GRAMD1C: variants seen among roughly 807,000 people sequenced by gnomAD.
The protein encoded by GRAMD1C is protein Aster-C.
GRAMD1C carries 89 observed loss-of-function variants against 97.8 expected under a neutral mutation model. The ratio of observed to expected loss-of-function variants is 0.91; its 90% CI spans 0.77 to 1.09. GRAMD1C has a LOEUF of 1.09. GRAMD1C is among the 50% of genes least tolerant of loss of function. GRAMD1C has a pLI of 0.00. For missense variants in GRAMD1C, 740 were observed against 766.4 expected (o/e 0.97, Z 0.41); for synonymous variants, 256 against 267.0 (o/e 0.96, Z 0.40).
intron 13 of GRAMD1C, among the ~76,000 whole-genome samples, chr3:113,934,805 G>A (rs1937546178): frequency 6.6e-6 from 1 of 152,060 alleles, no homozygotes; most frequent in South Asian, 2.1e-4. Flanking sequence ...GTGCAGTGGT[G>A]CGATCTTGGC....
intron 3 of GRAMD1C, among the ~76,000 whole-genome samples, chr3:113,872,292 T>C (rs534895711): frequency 6.6e-6 from 1 of 152,118 alleles, no homozygotes; most frequent in South Asian, 2.1e-4. Context: ...AGAAAAAAAC[T>C]TAAATGGGAA....
In GRAMD1C at chr3:113,917,577, C is replaced by T. The variant is rs181256161; in HGVS notation, c.1090+1739C>T. On this transcript the variant is annotated intron_variant, in intron 10 of 17. Transcript: ENST00000358160. The stretch of plus-strand genomic sequence containing the variant: ...GCTCAAGCAATCTAACCCCCTCAGC[C>T]TCCCAAAGTACTAGGATTACAAGAA... Among the ~76,000 whole-genome samples, 4 of 152,264 alleles carry T rather than the reference C, an allele frequency of 2.6e-5. No individual in the cohort carries two copies. In the East Asian group the frequency reaches 5.8e-4, roughly 22 times the overall value.
At chr3:113,846,120 T>G (rs2107320679) in intron 2 of GRAMD1C, among the ~76,000 whole-genome samples, 1 of 151,848 alleles carries the variant, frequency 6.6e-6, no homozygotes, top group East Asian at 1.9e-4. Flanking sequence ...ATTTTTTTTT[T>G]TTTGAGGCAG....
chr3:113,900,088 A>T (rs1387583275), intron 6 of GRAMD1C, among the ~76,000 whole-genome samples: 1 of 152,088 alleles, frequency 6.6e-6, no homozygotes, highest in African/African-American at 2.4e-5. Context: ...GCTAGGCACC[A>T]TGTCTCACGC....
intron 6 of GRAMD1C, among the ~76,000 whole-genome samples, chr3:113,883,755 A>C (rs1935348617): frequency 6.6e-6 from 1 of 152,136 alleles, no homozygotes; most frequent in Non-Finnish European, 1.5e-5. Context: ...ATTCATCTGG[A>C]ATTCATAACA....
intron 3 of GRAMD1C, among the ~76,000 whole-genome samples, chr3:113,873,212 A>C (rs1934902692): frequency 6.6e-6 from 1 of 152,014 alleles, no homozygotes; most frequent in South Asian, 2.1e-4. Flanking sequence ...GTGAGTTGAG[A>C]TCGCACCATT....
In GRAMD1C at chr3:113,920,029, G is replaced by A. The variant is rs1391709146; in HGVS notation, c.1090+4191G>A. 1.2e-5 allele frequency: 10 copies of A among 814,456 alleles called. No homozygotes were observed. In the East Asian group the frequency reaches 2.0e-4, roughly 16 times the overall value. The allele number at this position is 814,456 out of a possible 1,614,324, so 50.5% of individuals were successfully genotyped here. A position where few individuals can be genotyped will look rare whatever the true frequency, so the allele number is the denominator to read the frequency against. The stretch of plus-strand genomic sequence containing the variant: ...ATGTGAACCAAAAAGTTTCAGTAAG[G>A]TACTTTTTGAATTTAGTGTTTGTTG... On this transcript the variant is annotated intron_variant, in intron 10 of 17. Coordinates refer to ENST00000358160, the MANE Select transcript of GRAMD1C (RefSeq NM_017577.5).
At chr3:113,850,451 C>T (rs918558518) in intron 2 of GRAMD1C, 32 of 1,357,956 alleles carry the variant, frequency 2.4e-5, no homozygotes, top group South Asian at 3.5e-5. Context: ...ATGGCTGCAG[C>T]GTAGGGTGGC....
At chr3:113,842,830 G>A (rs942145557) in intron 1 of GRAMD1C, among the ~76,000 whole-genome samples, 3 of 151,872 alleles carry the variant, frequency 2.0e-5, no homozygotes, top group African/African-American at 7.3e-5. Flanking sequence ...GGGTGAGGTG[G>A]TGCACGCTTG....
intron 2 of GRAMD1C, among the ~76,000 whole-genome samples, chr3:113,860,918 A>G (rs1279401340): frequency 6.6e-6 from 1 of 151,786 alleles, no homozygotes; most frequent in African/African-American, 2.4e-5. Flanking sequence ...GTGAGCCGAG[A>G]TCATGCCATT....
In GRAMD1C at chr3:113,901,062, T is replaced by C; in HGVS notation, c.572T>C (p.Leu191Pro). 1.9e-6 allele frequency: 3 copies of C among 1,608,382 alleles called. No individual in the cohort carries two copies. Among genetic ancestry groups the C allele is most frequent in the Middle Eastern group, 1.7e-4 (1 of 6,046 alleles). Residue 191 changes from leucine to proline, a missense_variant, in exon 7 of 18, where the codon CTC (leucine) becomes CCC (proline). Coordinates refer to ENST00000358160, the MANE Select transcript of GRAMD1C (RefSeq NM_017577.5). ...ACTAGACAGGAATTCTGGCAACTGC[T>C]CCAGCAGAACTATGGCACTGAGCTA... The part of the protein sequence containing the change: ...SLTRQEFWQL[L>P]QQNYGTELGL...
chr3:113,902,014 G>A (rs75730583), intron 7 of GRAMD1C, among the ~76,000 whole-genome samples: 16,934 of 152,184 alleles, frequency 0.11, 1,354 homozygotes, highest in East Asian at 0.29. Context: ...TTCTTTGTTG[G>A]GGTGATGACA....
intron 1 of GRAMD1C, among the ~76,000 whole-genome samples, chr3:113,843,538 G>A (rs745672530): frequency 5.3e-5 from 8 of 152,084 alleles, no homozygotes; most frequent in Non-Finnish European, 1.0e-4. Flanking sequence ...GGCATGCAGT[G>A]GTGTGATCTC....
At position 113,886,021 on chromosome 3, in the gene GRAMD1C, G is replaced by A. The variant is rs1237071268; in HGVS notation, c.540+3189G>A. ...CTGAGCCGAAACCTTCACCAACATC[G>A]GCTCTGGTGACAGCTAATCCCCCTC... On this transcript the variant is annotated intron_variant, in intron 6 of 17. Transcript: ENST00000358160. The A allele has an allele frequency of 1.8e-5, 27 of 1,495,120 alleles. No homozygotes were observed. The East Asian group carries it at 5.4e-4, about 30-fold the overall frequency. The allele number at this position is 1,495,120 out of a possible 1,614,324, so 92.6% of individuals were successfully genotyped here. A position where few individuals can be genotyped will look rare whatever the true frequency, so the allele number is the denominator to read the frequency against.
intron 2 of GRAMD1C, among the ~76,000 whole-genome samples, chr3:113,859,434 T>C (rs893187352): frequency 6.6e-6 from 1 of 152,214 alleles, no homozygotes; most frequent in Non-Finnish European, 1.5e-5. Context: ...GATTTCATTA[T>C]AGTCAGAAAA....
chr3:113,903,167 A>G (rs917829661), intron 7 of GRAMD1C, among the ~76,000 whole-genome samples: 9 of 146,574 alleles, frequency 6.1e-5, no homozygotes, highest in African/African-American at 2.0e-4. Context: ...TAGAGACGGC[A>G]TTTCACCATG....
At position 113,894,812 on chromosome 3, in the gene GRAMD1C, A is replaced by C. The variant is rs181775575; in HGVS notation, c.541-6219A>C. Among the ~76,000 whole-genome samples the C allele has an allele frequency of 2.6e-3, 403 of 152,272 alleles. 3 individuals carry two copies. The highest frequency in any genetic ancestry group is 9.4e-3 in the African/African-American group (390 of 41,570). On this transcript the variant is annotated intron_variant, in intron 6 of 17. Coordinates refer to ENST00000358160, the MANE Select transcript of GRAMD1C (RefSeq NM_017577.5). ...GAAGAAGATAGCATATGTTAGATTC[A>C]GGGGTAAAGTAATGAGGGGAGCTTT... is the stretch of plus-strand genomic sequence containing the variant.
At chr3:113,840,108 A>G (rs1188012242) in intron 1 of GRAMD1C, among the ~76,000 whole-genome samples, 1 of 152,110 alleles carries the variant, frequency 6.6e-6, no homozygotes, top group East Asian at 1.9e-4. Context: ...CTGGAACTAC[A>G]GGCGCCCGCC....
In GRAMD1C at chr3:113,946,663, C is replaced by A. The variant is rs551263170; in HGVS notation, c.*1185C>A. On this transcript the variant is annotated 3_prime_UTR_variant, in exon 18 of 18. Coordinates refer to ENST00000358160, the MANE Select transcript of GRAMD1C (RefSeq NM_017577.5). ...TTTCTCTGGGGAAAAAATACATATC[C>A]ATCTATCTATCTATATATAAACTGT... 1 of 152,208 alleles carries A rather than the reference C, an allele frequency of 6.6e-6. No homozygotes were observed. The highest frequency in any genetic ancestry group is 6.5e-5 in the Admixed American group (1 of 15,296). The allele number at this position is 152,208 out of a possible 1,614,324, so 9.4% of individuals were successfully genotyped here.
Sources: allele counts gnomAD v4.1 joint callset (sites outside exome capture counted in the v4.1 genomes callset), GRCh38; gene constraint gnomAD v4.1.1; transcripts MANE v1.5; gene names NCBI Gene and HGNC (gene_info 2026-07-23, HGNC 2026-07-21).